CPSF6: variants seen among roughly 807,000 people sequenced by gnomAD.
CPSF6 encodes cleavage and polyadenylation specific factor 6.
Under a neutral mutation model 56.7 loss-of-function variants are expected in CPSF6, and 10 were observed. The observed-to-expected ratio is 0.18, with a 90% CI of 0.11 to 0.30. The LOEUF (loss-of-function observed/expected upper bound fraction) is 0.30. Among genes scored for constraint, CPSF6 ranks in the 10% least tolerant of loss-of-function variants. The pLI is 1.00. For missense variants in CPSF6, 419 were observed against 722.9 expected (o/e 0.58, Z 4.82); for synonymous variants, 248 against 244.8 (o/e 1.01, Z -0.12).
intron 1 of CPSF6, among the ~76,000 whole-genome samples, chr12:69,250,647 GTTTT>G (rs1236650087): frequency 1.7e-5 from 1 of 59,592 alleles, no homozygotes; most frequent in Non-Finnish European, 3.1e-5. Flanking sequence ...CCCTTTTTTT[GTTTT>G]TTTGTTTTTT....
At chr12:69,246,468 T>G (rs1469343581) in intron 1 of CPSF6, among the ~76,000 whole-genome samples, 1 of 152,236 alleles carries the variant, frequency 6.6e-6, no homozygotes, top group Non-Finnish European at 1.5e-5. Context: ...TTTAGTTGCC[T>G]GTGAATTGTC....
chr12:69,255,789 G>A (rs1041518466), intron 3 of CPSF6, among the ~76,000 whole-genome samples: 1 of 152,036 alleles, frequency 6.6e-6, no homozygotes, highest in Non-Finnish European at 1.5e-5. Context: ...CTCCTGCCTT[G>A]GCCTCCCAAA....
At chr12:69,251,030 C>G (rs1872218214) in intron 1 of CPSF6, 99 bp from the exon 2 acceptor site, 2 of 1,183,038 alleles carry the variant, frequency 1.7e-6, no homozygotes, top group South Asian at 3.1e-5. Context: ...TGGCCTTTTT[C>G]CATCAGATTT....
intron 8 of CPSF6, among the ~76,000 whole-genome samples, 158 bp downstream of exon 8, chr12:69,260,355 T>G (rs1487034235): frequency 2.7e-5 from 4 of 150,860 alleles, no homozygotes; most frequent in Non-Finnish European, 4.4e-5. Flanking sequence ...GTTGCTTGCT[T>G]AAAACCCTTT....
chr12:69,253,784 C>T (rs1430167448), intron 3 of CPSF6, among the ~76,000 whole-genome samples: 2 of 152,046 alleles, frequency 1.3e-5, no homozygotes, highest in Non-Finnish European at 2.9e-5. Context: ...AATTCTTTTG[C>T]ATCATACCTG....
intron 3 of CPSF6, among the ~76,000 whole-genome samples, chr12:69,255,430 CTA>C (rs927187239): frequency 5.9e-5 from 9 of 152,158 alleles, no homozygotes; most frequent in African/African-American, 1.2e-4. Flanking sequence ...TATAGTAACT[CTA>C]TGTTTAAATG....
intron 9 of CPSF6, among the ~76,000 whole-genome samples, chr12:69,267,353 T>C (rs1331265909): frequency 6.6e-6 from 1 of 152,016 alleles, no homozygotes; most frequent in Non-Finnish European, 1.5e-5. Flanking sequence ...GAAATTTTAC[T>C]TAGTGCTCAC....
At chr12:69,247,029 G>T (rs771357007) in intron 1 of CPSF6, among the ~76,000 whole-genome samples, 1 of 152,140 alleles carries the variant, frequency 6.6e-6, no homozygotes, top group Non-Finnish European at 1.5e-5. Context: ...GGAGAATGAT[G>T]AATATTTTGA....
intron 1 of CPSF6, among the ~76,000 whole-genome samples, chr12:69,250,104 A>T (rs1242758029): frequency 6.8e-6 from 1 of 147,576 alleles, no homozygotes; most frequent in African/African-American, 2.7e-5. Context: ...TTGTTCATTT[A>T]TTACGACATT....
intron 9 of CPSF6, among the ~76,000 whole-genome samples, chr12:69,268,307 G>A (rs1464873570): frequency 6.6e-6 from 1 of 151,656 alleles, no homozygotes; most frequent in African/African-American, 2.4e-5. Flanking sequence ...CAGGCATATA[G>A]AAACTATATA....
At chr12:69,242,752 A>G (rs1592790148) in intron 1 of CPSF6, among the ~76,000 whole-genome samples, 1 of 152,246 alleles carries the variant, frequency 6.6e-6, no homozygotes, top group African/African-American at 2.4e-5. Context: ...TGTAGTAATT[A>G]CTAGCCCAAT....
chr12:69,259,653 A>G (rs1196695798), intron 7 of CPSF6, 110 bp downstream of exon 7: 1 of 928,932 alleles, frequency 1.1e-6, no homozygotes, highest in Middle Eastern at 2.5e-4. Flanking sequence ...TTCTTTTTAT[A>G]TTCCCAAATC....
chr12:69,244,811 AAG>A (rs943458092), intron 1 of CPSF6, among the ~76,000 whole-genome samples: 5 of 152,134 alleles, frequency 3.3e-5, no homozygotes, highest in African/African-American at 1.2e-4. Context: ...TCCCACTGGA[AAG>A]GTCTTCAGGG....
intron 6 of CPSF6, 102 bp downstream of exon 6, chr12:69,259,196 CAAG>C: frequency 7.4e-7 from 1 of 1,355,136 alleles, no homozygotes; most frequent in Non-Finnish European, 9.8e-7. Context: ...TTCTGCCTTC[CAAG>C]AAGATGAGGT....
chr12:69,260,162 T>C lies in CPSF6; in HGVS notation c.1434T>C (p.His478=), dbSNP rs1165738551. 6.2e-7 allele frequency: 1 copy of C among 1,612,982 alleles called. No individual in the cohort carries two copies. The part of the protein sequence containing the change: ...VLISSLQDCL[H]GIESKSYGSG... ...TTAGTTCTTTGCAAGATTGCCTTCA[T>C]GGAATTGAGTCCAAGTCTTATGGTT... Residue 478 remains histidine (H), a synonymous_variant, in exon 8 of 10, where the codon CAT becomes CAC. Transcript: ENST00000435070.
At position 69,272,869 on chromosome 12, in the gene CPSF6, A is replaced by AGTGT. The variant is rs3051105; in HGVS notation, c.*3386_*3389dup. On this transcript the variant is annotated 3_prime_UTR_variant, in exon 10 of 10. Coordinates refer to ENST00000435070, the MANE Select transcript of CPSF6 (RefSeq NM_007007.3). ...AAGCATTCTATTTTTCTGTTCTTAC[A>AGTGT]GTGTGTGTGTGTGTGTGTGTGTGTG... The AGTGT allele has an allele frequency of 0.064, 9,827 of 154,140 alleles. 479 individuals carry two copies. The highest frequency in any genetic ancestry group is 0.23 in the South Asian group (1,270 of 5,496). 9.5% of individuals were successfully genotyped at this position (154,140 alleles called of 1,614,324 possible).
At position 69,274,287 on chromosome 12, in the gene CPSF6, C is replaced by T. The variant is rs973672359; in HGVS notation, c.*4779C>T. The T allele has an allele frequency of 6.6e-6, 1 of 151,698 alleles. No individual in the cohort carries two copies. The highest frequency in any genetic ancestry group is 1.5e-5 in the Non-Finnish European group (1 of 67,830). The allele number at this position is 151,698 out of a possible 1,614,324, so 9.4% of individuals were successfully genotyped here. On this transcript the variant is annotated 3_prime_UTR_variant, in exon 10 of 10. Transcript: ENST00000435070. ...CGGCAGTTTGATATATGGCCATTGT[C>T]GGCCTTAAACTGCACTAGTAACAAG...
At position 69,239,650 on chromosome 12, in the gene CPSF6, GC is replaced by G; in HGVS notation, c.5del (p.Ala2GlyfsTer7). 1 of 1,576,758 alleles carries G rather than the reference GC, an allele frequency of 6.3e-7. No individual in the cohort carries two copies. The highest frequency in any genetic ancestry group is 1.7e-4 in the Middle Eastern group (1 of 5,934). M[A>X]DGVDHIDIYA... ...CGGCGGCCGAGGCTGAAGGAAGATG[GC>G]GGACGGCGTGGACCACATAGACATT... is the stretch of plus-strand genomic sequence containing the variant. On this transcript the variant is annotated frameshift_variant, in exon 1 of 10. Coordinates refer to ENST00000435070, the MANE Select transcript of CPSF6 (RefSeq NM_007007.3). LOFTEE classifies it high-confidence loss of function.
At position 69,250,171 on chromosome 12, in the gene CPSF6, T is replaced by C. The variant is rs541673647; in HGVS notation, c.61-958T>C. Among the ~76,000 whole-genome samples the C allele has an allele frequency of 9.2e-5, 14 of 152,058 alleles. 1 individual carries two copies. In the South Asian group the frequency reaches 2.9e-3, roughly 32 times the overall value. ...TCTTTTATGGCTCAGCTCACTATGC[T>C]TTTTTTTAATACTGGTAGCTTCCTC... is the stretch of plus-strand genomic sequence containing the variant. On this transcript the variant is annotated intron_variant, in intron 1 of 9. Transcript: ENST00000435070.
Sources: allele counts gnomAD v4.1 joint callset (sites outside exome capture counted in the v4.1 genomes callset), GRCh38; gene constraint gnomAD v4.1.1; transcripts MANE v1.5; gene names NCBI Gene and HGNC (gene_info 2026-07-23, HGNC 2026-07-21).